The following FTO variants were observed in gnomAD, a reference collection of about 807,000 sequenced individuals.
FTO encodes the protein FTO alpha-ketoglutarate dependent dioxygenase, also known as alpha-ketoglutarate-dependent dioxygenase FTO.
Under a neutral mutation model 63.9 loss-of-function variants are expected in FTO, and 47 were observed. That is an observed-to-expected ratio of 0.74 (90% confidence interval 0.58 to 0.94). FTO has a LOEUF of 0.94. Ranked by LOEUF, FTO falls within the 40% of genes least tolerant of loss-of-function variation. FTO has a pLI of 0.00. For synonymous variants in FTO, 207 were observed against 224.4 expected (o/e 0.92, Z 0.69); for missense variants, 562 against 618.1 (o/e 0.91, Z 0.96).
chr16:53,989,089 C>T (rs2083739893), intron 8 of FTO, among the ~76,000 whole-genome samples: 1 of 152,086 alleles, frequency 6.6e-6, no homozygotes, highest in African/African-American at 2.4e-5. Context: ...AGGAGGATGA[C>T]ATGTGCACTA....
intron 8 of FTO, among the ~76,000 whole-genome samples, chr16:54,078,519 A>T (rs2086057267): frequency 6.6e-6 from 1 of 152,028 alleles, no homozygotes; most frequent in South Asian, 2.1e-4. Flanking sequence ...TCAGTTACAC[A>T]GTCAGCTGCT....
intron 4 of FTO, among the ~76,000 whole-genome samples, chr16:53,847,239 G>T (rs2079649219): frequency 6.6e-6 from 1 of 152,166 alleles, no homozygotes; most frequent in South Asian, 2.1e-4. Flanking sequence ...CTCGGGGTCT[G>T]ACATCCCATG....
At position 53,815,711 on chromosome 16, in the gene FTO, C is replaced by T. The variant is rs186621341; in HGVS notation, c.123+5494C>T. Among the ~76,000 whole-genome samples the T allele has an allele frequency of 4.0e-3, 532 of 132,324 alleles. 4 individuals carry two copies. The highest frequency in any genetic ancestry group is 0.016 in the Middle Eastern group (4 of 246). 86.8% of individuals were successfully genotyped at this position (132,324 alleles called of 152,430 possible). A position where few individuals can be genotyped will look rare whatever the true frequency, so the allele number is the denominator to read the frequency against. On this transcript the variant is annotated intron_variant, in intron 2 of 8. Coordinates refer to ENST00000471389, the MANE Select transcript of FTO (RefSeq NM_001080432.3). ...TCACCCAGACTGGAATGTAGTGGTG[C>T]GGTCTTGGCTCACTGTAACCTCCGC...
chr16:53,939,796 A>G (rs1172894795), intron 8 of FTO, among the ~76,000 whole-genome samples: 1 of 152,164 alleles, frequency 6.6e-6, no homozygotes, highest in Non-Finnish European at 1.5e-5. Context: ...TAAGTACTTC[A>G]TTCTTTTTTA....
intron 1 of FTO, among the ~76,000 whole-genome samples, chr16:53,752,356 C>T (rs2076818717): frequency 6.6e-6 from 1 of 152,040 alleles, no homozygotes; most frequent in Non-Finnish European, 1.5e-5. Flanking sequence ...AAAAATTATA[C>T]TTTCTTTTCA....
chr16:54,069,504 C>CA (rs1332721220), intron 8 of FTO, among the ~76,000 whole-genome samples: 5 of 151,982 alleles, frequency 3.3e-5, no homozygotes, highest in African/African-American at 1.2e-4. Flanking sequence ...TGGGGAAAAA[C>CA]AAAAAGGCAA....
At chr16:53,884,679 T>C (rs1472525024) in intron 6 of FTO, among the ~76,000 whole-genome samples, 2 of 152,222 alleles carry the variant, frequency 1.3e-5, no homozygotes, top group Non-Finnish European at 2.9e-5. Context: ...ATAAAGTGGC[T>C]CAGAAATATT....
intron 3 of FTO, among the ~76,000 whole-genome samples, chr16:53,840,188 C>T (rs2079433519): frequency 6.6e-6 from 1 of 152,054 alleles, no homozygotes; most frequent in African/African-American, 2.4e-5. Flanking sequence ...GAAAAACCTT[C>T]CTAAAATATT....
At chr16:53,913,492 G>A (rs1673750102) in intron 7 of FTO, among the ~76,000 whole-genome samples, 1 of 152,134 alleles carries the variant, frequency 6.6e-6, no homozygotes, top group African/African-American at 2.4e-5. Flanking sequence ...TTTTCTGTTG[G>A]GGGCAACATC....
chr16:53,723,831 T>C (rs1465946370), intron 1 of FTO, among the ~76,000 whole-genome samples: 1 of 152,142 alleles, frequency 6.6e-6, no homozygotes, highest in Non-Finnish European at 1.5e-5. Flanking sequence ...AATACCAAGA[T>C]AGGGTTTTTG....
chr16:53,839,791 A>G (rs1444422356), intron 3 of FTO, among the ~76,000 whole-genome samples: 1 of 101,482 alleles, frequency 9.9e-6, no homozygotes, highest in Non-Finnish European at 2.0e-5. Context: ...TTATTTATTT[A>G]TTTATTTATT....
Position 53,844,148 on chromosome 16 carries a change from T to C in FTO, c.752-7T>C, listed in dbSNP as rs773126939. The C allele has an allele frequency of 1.4e-5, 23 of 1,612,264 alleles. No individual in the cohort carries two copies. Among genetic ancestry groups the C allele is most frequent in the South Asian group, 4.4e-5 (4 of 90,988 alleles). ...TCCTTTCTGATCATTTTCTTCTCTT[T>C]TGGCAGGCCCTGAAGAGGAAAGTGA... On this transcript the variant is annotated splice_region_variant and splice_polypyrimidine_tract_variant and intron_variant, in intron 3 of 8. Coordinates refer to ENST00000471389, the MANE Select transcript of FTO (RefSeq NM_001080432.3).
At chr16:54,074,944 G>GTGTGTA (rs2085958448) in intron 8 of FTO, among the ~76,000 whole-genome samples, 1 of 149,102 alleles carries the variant, frequency 6.7e-6, no homozygotes, top group Non-Finnish European at 1.5e-5. Context: ...GTGTGTGTGT[G>GTGTGTA]TGTGTGTGTG....
chr16:54,023,858 A>G (rs2084655434), intron 8 of FTO, among the ~76,000 whole-genome samples: 1 of 152,188 alleles, frequency 6.6e-6, no homozygotes, highest in Non-Finnish European at 1.5e-5. Context: ...CCAGCCATTG[A>G]CCATAGGAAT....
At chr16:54,004,676 G>A (rs2388451) in intron 8 of FTO, among the ~76,000 whole-genome samples, 104,614 of 151,936 alleles carry the variant, frequency 0.69, 37,207 homozygotes, top group African/African-American at 0.87. Context: ...ACACATACAT[G>A]TGAGAATTTT....
chr16:53,825,639 T>C (rs2078984258), intron 2 of FTO, among the ~76,000 whole-genome samples: 2 of 152,194 alleles, frequency 1.3e-5, no homozygotes, highest in South Asian at 4.1e-4. Flanking sequence ...TATTAAAGAT[T>C]GTTAGTAATT....
intron 8 of FTO, among the ~76,000 whole-genome samples, chr16:53,955,444 C>A (rs1406112556): frequency 6.6e-6 from 1 of 151,948 alleles, no homozygotes; most frequent in Non-Finnish European, 1.5e-5. Flanking sequence ...TTTAGGGAAG[C>A]CTCATTTAAG....
intron 1 of FTO, among the ~76,000 whole-genome samples, chr16:53,776,340 AAT>A (rs2077458848): frequency 6.6e-6 from 1 of 152,144 alleles, no homozygotes; most frequent in African/African-American, 2.4e-5. Context: ...CAGACATGTA[AAT>A]TAGTAAGGCC....
At chr16:53,813,525 T>C (rs968788910) in intron 2 of FTO, among the ~76,000 whole-genome samples, 2 of 152,148 alleles carry the variant, frequency 1.3e-5, no homozygotes, top group African/African-American at 4.8e-5. Flanking sequence ...GTACACCTTC[T>C]AGGAAGGCTT....
Sources: gnomAD v4.1 joint callset for allele counts (sites outside exome capture counted in the v4.1 genomes callset) on GRCh38, gnomAD v4.1.1 for gene constraint, MANE v1.5 for transcripts, NCBI Gene and HGNC (gene_info 2026-07-23, HGNC 2026-07-21) for gene names.